FABP2: variants seen among roughly 807,000 people sequenced by gnomAD.
FABP2 encodes the protein fatty acid binding protein 2.
FABP2 carries 11 observed loss-of-function variants against 16.1 expected under a neutral mutation model. The ratio of observed to expected loss-of-function variants is 0.68; its 90% CI spans 0.43 to 1.13. The LOEUF is 1.13. Ranked by LOEUF, FABP2 falls within the 50% of genes most tolerant of loss-of-function variation. The probability of loss-of-function intolerance (pLI) is 0.00; values close to 1 mark genes in which losing one functional copy is unlikely to be tolerated. For synonymous variants in FABP2, 45 were observed against 50.9 expected (o/e 0.88, Z 0.49); for missense variants, 146 against 155.1 (o/e 0.94, Z 0.31).
intron 2 of FABP2, 36 bp from the exon 3 acceptor site, chr4:119,319,679 T>TAAG: frequency 1.0e-6 from 1 of 968,382 alleles, no homozygotes; most frequent in Non-Finnish European, 1.4e-6. Context: ...ATAATAATAA[T>TAAG]GGCATTTATT....
Position 119,320,689 on chromosome 4 carries a change from G to T in FABP2, c.221C>A (p.Ala74Glu). The T allele has an allele frequency of 1.9e-6, 3 of 1,587,348 alleles. No homozygotes were observed. Among genetic ancestry groups the T allele is most frequent in the South Asian group, 1.2e-5 (1 of 86,376 alleles). Residue 74 changes from alanine (A) to glutamate (E), a missense_variant, in exon 2 of 4, where the codon GCA becomes GAA. Ala to Glu is a moderately radical substitution (Grantham distance 107, BLOSUM62 -1). Transcript: ENST00000274024. ...ELGVTFNYNL[A>E]DGTELRGTWS... Reference sequence around the variant, plus strand: ...TCTTACCCTGAGTTCAGTTCCGTCTGCTAGATTGTAATTAAAGGTGACACC... The same window carrying T: ...TCTTACCCTGAGTTCAGTTCCGTCTTCTAGATTGTAATTAAAGGTGACACC...
intron 3 of FABP2, among the ~76,000 whole-genome samples, 182 bp downstream of exon 3, chr4:119,319,354 C>CAT (rs1380064621): frequency 6.6e-6 from 1 of 151,376 alleles, no homozygotes; most frequent in African/African-American, 2.4e-5. Flanking sequence ...GATTATTTGA[C>CAT]ATATATAAGT....
intron 1 of FABP2, among the ~76,000 whole-genome samples, chr4:119,321,287 G>T (rs1755665069): frequency 6.6e-6 from 1 of 151,774 alleles, no homozygotes; most frequent in Non-Finnish European, 1.5e-5. Flanking sequence ...GAACTTTATA[G>T]TTCTATTTGC....
rs1755621428 is a variant in FABP2, at chr4:119,318,924, T to G, written c.*117A>C. On this transcript the variant is annotated 3_prime_UTR_variant, in exon 4 of 4. Coordinates refer to ENST00000274024, the MANE Select transcript of FABP2 (RefSeq NM_000134.4). ...GGCATGAATGGAAATATACCAATGT[T>G]TATAAAAGGACCAATCAATCAGTAA... 1.4e-6 allele frequency: 1 copy of G among 731,904 alleles called. No individual in the cohort carries two copies. Among genetic ancestry groups the G allele is most frequent in the Non-Finnish European group, 2.2e-6 (1 of 446,256 alleles). The allele number at this position is 731,904 out of a possible 1,614,324, so 45.3% of individuals were successfully genotyped here.
Position 119,317,728 on chromosome 4 carries a change from C to T in FABP2, c.*1313G>A, listed in dbSNP as rs527323182. ...CTGCAAATGCTTAAAAATTGTACCC[C>T]CTCTCCATCCCCTAATATGTACCCT... is the stretch of plus-strand genomic sequence containing the variant. On this transcript the variant is annotated 3_prime_UTR_variant, in exon 4 of 4. Coordinates refer to ENST00000274024, the MANE Select transcript of FABP2 (RefSeq NM_000134.4). 135 of 152,052 alleles carry T rather than the reference C, an allele frequency of 8.9e-4. No individual in the cohort carries two copies. The highest frequency in any genetic ancestry group is 3.1e-3 in the African/African-American group (127 of 41,514). 9.4% of individuals were successfully genotyped at this position (152,052 alleles called of 1,614,324 possible). A position where few individuals can be genotyped will look rare whatever the true frequency, so the allele number is the denominator to read the frequency against.
At chr4:119,320,874 G>C in intron 1 of FABP2, 32 bp from the exon 2 acceptor site, 1 of 1,500,728 alleles carries the variant, frequency 6.7e-7, no homozygotes, top group Non-Finnish European at 8.9e-7. Flanking sequence ...AGAAAATAAA[G>C]TCAAATCCCA....
Position 119,319,591 on chromosome 4 carries a change from T to C in FABP2, c.293A>G (p.Asp98Gly). The part of the protein sequence containing the change: ...NKLIGKFKRT[D>G]NGNELNTVRE... Reference sequence around the variant, plus strand: ...GACAGTATTCAGTTCGTTTCCATTGTCTGTCCGTTTGAATTTTCCAATAAG... The same window carrying C: ...GACAGTATTCAGTTCGTTTCCATTGCCTGTCCGTTTGAATTTTCCAATAAG... Residue 98 changes from aspartate to glycine, a missense_variant, in exon 3 of 4, where the codon GAC (aspartate) becomes GGC (glycine). Asp to Gly is a moderately conservative substitution (Grantham distance 94). Transcript: ENST00000274024. The C allele has an allele frequency of 6.5e-7, 1 of 1,542,126 alleles. No individual in the cohort carries two copies. Among genetic ancestry groups the C allele is most frequent in the Non-Finnish European group, 8.7e-7 (1 of 1,144,564 alleles).
intron 2 of FABP2, 36 bp downstream of exon 2, chr4:119,320,634 C>G: frequency 6.7e-7 from 1 of 1,483,112 alleles, no homozygotes; most frequent in South Asian, 1.3e-5. Context: ...GTAGAAAAAT[C>G]AAGAATGCAT....
Position 119,317,284 on chromosome 4 carries a change from T to C in FABP2, c.*1757A>G, listed in dbSNP as rs567832300. On this transcript the variant is annotated 3_prime_UTR_variant, in exon 4 of 4. Transcript: ENST00000274024. ...GGTATTTTTATATAAATTTAAGGAG[T>C]ACAAGTATAGTTTTGTTACATTGAT... 6.6e-6 allele frequency: 1 copy of C among 152,088 alleles called. No individual in the cohort carries two copies. The highest frequency in any genetic ancestry group is 2.4e-5 in the African/African-American group (1 of 41,486). The allele number at this position is 152,088 out of a possible 1,614,324, so 9.4% of individuals were successfully genotyped here. A position where few individuals can be genotyped will look rare whatever the true frequency, so the allele number is the denominator to read the frequency against.
In FABP2 at chr4:119,320,680, G is replaced by T; in HGVS notation, c.230C>A (p.Thr77Asn). ...VTFNYNLADG[T>N]ELRGTWSLEG... Reference sequence around the variant, plus strand: ...AAAAAAAATTCTTACCCTGAGTTCAGTTCCGTCTGCTAGATTGTAATTAAA... The same window carrying T: ...AAAAAAAATTCTTACCCTGAGTTCATTTCCGTCTGCTAGATTGTAATTAAA... Residue 77 changes from threonine (T) to asparagine (N), a missense_variant, in exon 2 of 4, where the codon ACT becomes AAT. Transcript: ENST00000274024. 1 of 1,577,316 alleles carries T rather than the reference G, an allele frequency of 6.3e-7. No homozygotes were observed. Among genetic ancestry groups the T allele is most frequent in the Non-Finnish European group, 8.6e-7 (1 of 1,168,614 alleles).
chr4:119,319,719 G>C, intron 2 of FABP2, 76 bp from the exon 3 acceptor site: 1 of 568,864 alleles, frequency 1.8e-6, no homozygotes, highest in Non-Finnish European at 2.6e-6. Context: ...GCACTGTTCT[G>C]AGTTCTGTAG....
In FABP2 at chr4:119,320,651, T is replaced by TA. The variant is rs752229795; in HGVS notation, c.240+18dup. Reference sequence around the variant, plus strand: ...AGAAAAATCAAGAATGCATTGCTCATAAAAAAAAAAATTCTTACCCTGAGT... The same window carrying TA: ...AGAAAAATCAAGAATGCATTGCTCATAAAAAAAAAAAATTCTTACCCTGAGT... On this transcript the variant is annotated intron_variant, in intron 2 of 3. Coordinates refer to ENST00000274024, the MANE Select transcript of FABP2 (RefSeq NM_000134.4). 9.6e-3 allele frequency: 10,952 copies of TA among 1,136,952 alleles called. No homozygotes were observed. The highest frequency in any genetic ancestry group is 0.012 in the South Asian group (682 of 58,100). 70.4% of individuals were successfully genotyped at this position (1,136,952 alleles called of 1,614,324 possible).
rs913448798 is a variant in FABP2 at position 119,317,703 on chromosome 4, C to G, written c.*1338G>C. On this transcript the variant is annotated 3_prime_UTR_variant, in exon 4 of 4. Transcript: ENST00000274024. Reference sequence around the variant, plus strand: ...TTGTCAAAAGTCTATAGAGTTGCAGCTGCAAATGCTTAAAAATTGTACCCC... The same window carrying G: ...TTGTCAAAAGTCTATAGAGTTGCAGGTGCAAATGCTTAAAAATTGTACCCC... The G allele has an allele frequency of 2.6e-5, 4 of 152,036 alleles. No homozygotes were observed. Among genetic ancestry groups the G allele is most frequent in the Non-Finnish European group, 5.9e-5 (4 of 67,974 alleles). 9.4% of individuals were successfully genotyped at this position (152,036 alleles called of 1,614,324 possible). A position where few individuals can be genotyped will look rare whatever the true frequency, so the allele number is the denominator to read the frequency against.
In FABP2 at chr4:119,319,075, C is replaced by T; in HGVS notation, c.365G>A (p.Gly122Glu). The T allele has an allele frequency of 6.2e-7, 1 of 1,601,086 alleles. No individual in the cohort carries two copies. The highest frequency in any genetic ancestry group is 8.5e-7 in the Non-Finnish European group (1 of 1,174,302). ...TTTAAAGATCCTTTTGGCTTCTACT[C>T]CTTCATATACATAAGTCTGAAAGGT... is the stretch of plus-strand genomic sequence containing the variant. ...DELVQTYVYE[G>E]VEAKRIFKKD Residue 122 changes from glycine to glutamate, a missense_variant, in exon 4 of 4, where the codon GGA becomes GAA. Gly to Glu is a moderately conservative substitution (Grantham distance 98). Transcript: ENST00000274024.
In FABP2 at chr4:119,317,499, G is replaced by T. The variant is rs907204; in HGVS notation, c.*1542C>A. Reference sequence around the variant, plus strand: ...AGCTCCCACTTATAAGTGAGAACACGCAGTATTCAGCTTTCAAAGATTACA... The same window carrying T: ...AGCTCCCACTTATAAGTGAGAACACTCAGTATTCAGCTTTCAAAGATTACA... On this transcript the variant is annotated 3_prime_UTR_variant, in exon 4 of 4. Transcript: ENST00000274024. 1 of 151,520 alleles carries T rather than the reference G, an allele frequency of 6.6e-6. No individual in the cohort carries two copies. The highest frequency in any genetic ancestry group is 1.5e-5 in the Non-Finnish European group (1 of 67,844). The allele number at this position is 151,520 out of a possible 1,614,324, so 9.4% of individuals were successfully genotyped here.
At position 119,319,103 on chromosome 4, in the gene FABP2, TAACA is replaced by T; in HGVS notation, c.349-16_349-13del. ...TCATATACATAAGTCTGAAAGGTGT[TAACA>T]AACAGAAGAATTTATCTTTAAGGTT... On this transcript the variant is annotated splice_polypyrimidine_tract_variant and intron_variant, in intron 3 of 3. Transcript: ENST00000274024. 6.4e-7 allele frequency: 1 copy of T among 1,561,650 alleles called. No homozygotes were observed. The highest frequency in any genetic ancestry group is 8.7e-7 in the Non-Finnish European group (1 of 1,148,570).
chr4:119,320,829 C>G lies in FABP2; in HGVS notation c.81G>C (p.Val27=). Residue 27 remains valine, a synonymous_variant, in exon 2 of 4, where the codon GTG becomes GTC. Coordinates refer to ENST00000274024, the MANE Select transcript of FABP2 (RefSeq NM_000134.4). ...TGTCATGAGCTGCAAGCTTCCTTTTCACTATATTAACACCTGTAAAAGGTA... is the reference window on the plus strand; with the variant it reads ...TGTCATGAGCTGCAAGCTTCCTTTTGACTATATTAACACCTGTAAAAGGTA... ...KFMEKMGVNI[V]KRKLAAHDNL... 1.3e-6 allele frequency: 2 copies of G among 1,592,044 alleles called. No homozygotes were observed. Among genetic ancestry groups the G allele is most frequent in the Non-Finnish European group, 1.7e-6 (2 of 1,172,894 alleles).
In FABP2 at chr4:119,318,872, CT is replaced by C. The variant is rs1755620845; in HGVS notation, c.*168del. On this transcript the variant is annotated 3_prime_UTR_variant, in exon 4 of 4. Coordinates refer to ENST00000274024, the MANE Select transcript of FABP2 (RefSeq NM_000134.4). ...TAGAGAATATAAAACAAATTAAATC[CT>C]AATTAGCTTTTACTTCTTTTGCTTT... is the stretch of plus-strand genomic sequence containing the variant. 1 of 475,608 alleles carries C rather than the reference CT, an allele frequency of 2.1e-6. No individual in the cohort carries two copies. 29.5% of individuals were successfully genotyped at this position (475,608 alleles called of 1,614,324 possible). A position where few individuals can be genotyped will look rare whatever the true frequency, so the allele number is the denominator to read the frequency against.
chr4:119,321,663 C>A (rs1226696973), intron 1 of FABP2, among the ~76,000 whole-genome samples: 1 of 152,058 alleles, frequency 6.6e-6, no homozygotes, highest in African/African-American at 2.4e-5. Context: ...CTTATATGGT[C>A]TTTGTTTTTC....
Sources: gnomAD v4.1 joint callset for allele counts (sites outside exome capture counted in the v4.1 genomes callset) on GRCh38, gnomAD v4.1.1 for gene constraint, MANE v1.5 for transcripts, NCBI Gene and HGNC (gene_info 2026-07-23, HGNC 2026-07-21) for gene names.